Variants in PPCDC observed in about 807,000 individuals in gnomAD.
PPCDC encodes phosphopantothenoylcysteine decarboxylase.
Under a neutral mutation model 20.7 loss-of-function variants are expected in PPCDC, and 20 were observed. The ratio of observed to expected loss-of-function variants is 0.97; its 90% CI spans 0.68 to 1.41. The LOEUF is 1.41. PPCDC is among the 40% of genes most tolerant of loss of function. The pLI is 0.00. For synonymous variants in PPCDC, 88 were observed against 100.3 expected (o/e 0.88, Z 0.73); for missense variants, 246 against 263.8 (o/e 0.93, Z 0.47).
intron 2 of PPCDC, among the ~76,000 whole-genome samples, chr15:75,033,265 A>C (rs891947092): frequency 6.6e-6 from 1 of 152,190 alleles, no homozygotes; most frequent in South Asian, 2.1e-4. Context: ...GTGCTACTAC[A>C]GAGTTAAATC....
chr15:75,029,494 TCA>T (rs1327085783), intron 2 of PPCDC, among the ~76,000 whole-genome samples: 3 of 152,100 alleles, frequency 2.0e-5, no homozygotes, highest in African/African-American at 4.8e-5. Context: ...GACCACGTGG[TCA>T]CATCAGCTGG....
chr15:75,031,348 C>T (rs2066019032), intron 2 of PPCDC, among the ~76,000 whole-genome samples: 1 of 152,176 alleles, frequency 6.6e-6, no homozygotes, highest in South Asian at 2.1e-4. Flanking sequence ...GGGTTGGCAG[C>T]CTGGCCCATG....
At chr15:75,031,028 A>C (rs982572786) in intron 2 of PPCDC, among the ~76,000 whole-genome samples, 1 of 152,116 alleles carries the variant, frequency 6.6e-6, no homozygotes, top group East Asian at 1.9e-4. Flanking sequence ...ACCGTGTCAC[A>C]AGAGAGGCAG....
chr15:75,032,701 G>C (rs1315777293), intron 2 of PPCDC, among the ~76,000 whole-genome samples: 1 of 149,344 alleles, frequency 6.7e-6, no homozygotes, highest in African/African-American at 2.5e-5. Context: ...GGAATAAGCA[G>C]GGTGTAGGAG....
At chr15:75,031,152 T>C (rs928113162) in intron 2 of PPCDC, among the ~76,000 whole-genome samples, 1 of 152,170 alleles carries the variant, frequency 6.6e-6, no homozygotes, top group Non-Finnish European at 1.5e-5. Flanking sequence ...CTCCAGGGCC[T>C]CTTCTGGCAC....
chr15:75,046,127 A>T (rs1595913675), intron 4 of PPCDC, among the ~76,000 whole-genome samples: 1 of 151,890 alleles, frequency 6.6e-6, no homozygotes, highest in Admixed American at 6.6e-5. Flanking sequence ...AGGTGGGAGG[A>T]TCGCTTGAGT....
chr15:75,034,236 T>C (rs2066059392), intron 2 of PPCDC, among the ~76,000 whole-genome samples: 1 of 152,162 alleles, frequency 6.6e-6, no homozygotes, highest in Non-Finnish European at 1.5e-5. Flanking sequence ...AGTGAGTGAA[T>C]TGAAGAGCTC....
chr15:75,039,116 C>A (rs1430474551), intron 2 of PPCDC, among the ~76,000 whole-genome samples: 1 of 152,150 alleles, frequency 6.6e-6, no homozygotes, highest in East Asian at 1.9e-4. Flanking sequence ...CCTCAGATAT[C>A]TGATACTCCT....
At chr15:75,033,386 G>GT (rs1162629070) in intron 2 of PPCDC, among the ~76,000 whole-genome samples, 1 of 152,228 alleles carries the variant, frequency 6.6e-6, no homozygotes, top group East Asian at 1.9e-4. Context: ...ACTGCACACA[G>GT]TTTTTTCCTC....
In PPCDC at chr15:75,050,467, G is replaced by A. The variant is rs1164895388; in HGVS notation, c.*1232G>A. On this transcript the variant is annotated 3_prime_UTR_variant, in exon 6 of 6. Coordinates refer to ENST00000342932, the MANE Select transcript of PPCDC (RefSeq NM_021823.5). The stretch of plus-strand genomic sequence containing the variant: ...CCATTTGGTGTGGCTGCAGCGGGGA[G>A]GGCTTGTCTGCGTATTTGGAGCTGA... The A allele has an allele frequency of 6.6e-6, 1 of 152,452 alleles. No homozygotes were observed. Among genetic ancestry groups the A allele is most frequent in the African/African-American group, 2.4e-5 (1 of 41,466 alleles). 9.4% of individuals were successfully genotyped at this position (152,452 alleles called of 1,614,324 possible). A position where few individuals can be genotyped will look rare whatever the true frequency, so the allele number is the denominator to read the frequency against.
At chr15:75,028,511 G>T in intron 2 of PPCDC, 58 bp downstream of exon 2, 1 of 1,603,408 alleles carries the variant, frequency 6.2e-7, no homozygotes. Context: ...CGGTGCTCCC[G>T]GGGATGGCCC....
intron 1 of PPCDC, among the ~76,000 whole-genome samples, chr15:75,027,062 C>T (rs1176602277): frequency 5.3e-5 from 8 of 152,150 alleles, no homozygotes; most frequent in African/African-American, 1.7e-4. Context: ...CAATTAGACC[C>T]GGTCACACAT....
intron 4 of PPCDC, among the ~76,000 whole-genome samples, chr15:75,048,139 C>T (rs1010473803): frequency 1.3e-5 from 2 of 152,294 alleles, no homozygotes; most frequent in African/African-American, 4.8e-5. Flanking sequence ...CATTGCCAGA[C>T]TTTAGTTGGC....
intron 2 of PPCDC, among the ~76,000 whole-genome samples, chr15:75,040,679 A>G (rs1324014074): frequency 6.6e-6 from 1 of 150,516 alleles, no homozygotes; most frequent in South Asian, 2.1e-4. Context: ...TTTTTTTTGG[A>G]GTTAGGGTCT....
At chr15:75,047,924 C>T (rs1020598757) in intron 4 of PPCDC, among the ~76,000 whole-genome samples, 1 of 152,154 alleles carries the variant, frequency 6.6e-6, no homozygotes, top group Non-Finnish European at 1.5e-5. Flanking sequence ...CTTGGTGGGA[C>T]GGCCTGGATT....
chr15:75,027,029 C>T (rs1220131064), intron 1 of PPCDC, among the ~76,000 whole-genome samples: 2 of 152,104 alleles, frequency 1.3e-5, no homozygotes, highest in African/African-American at 4.8e-5. Flanking sequence ...TTCAGGACTG[C>T]CGGCTAGTGG....
At chr15:75,030,614 C>T (rs2066009955) in intron 2 of PPCDC, among the ~76,000 whole-genome samples, 2 of 152,302 alleles carry the variant, frequency 1.3e-5, no homozygotes, top group Non-Finnish European at 2.9e-5. Context: ...CCCTTCACTC[C>T]CTGATGGCCC....
chr15:75,029,015 G>A (rs571326115), intron 2 of PPCDC, among the ~76,000 whole-genome samples: 10 of 152,152 alleles, frequency 6.6e-5, no homozygotes, highest in Middle Eastern at 3.2e-3. Context: ...TCTAGCCCCC[G>A]TCCTTGGCCA....
At chr15:75,027,283 C>A (rs2065969790) in intron 1 of PPCDC, among the ~76,000 whole-genome samples, 1 of 152,176 alleles carries the variant, frequency 6.6e-6, no homozygotes, top group African/African-American at 2.4e-5. Flanking sequence ...TGTAATCGGT[C>A]CTCAGTGATG....
Sources: allele counts gnomAD v4.1 joint callset (sites outside exome capture counted in the v4.1 genomes callset), GRCh38; gene constraint gnomAD v4.1.1; transcripts MANE v1.5; gene names NCBI Gene and HGNC (gene_info 2026-07-23, HGNC 2026-07-21).